The following HFM1 variants were observed in gnomAD, a reference collection of about 807,000 sequenced individuals.
HFM1 encodes helicase for meiosis 1, also known as probable ATP-dependent DNA helicase HFM1.
HFM1 carries 169 observed loss-of-function variants against 192.1 expected under a neutral mutation model. The ratio of observed to expected loss-of-function variants is 0.88; its 90% CI spans 0.78 to 1.00. The LOEUF (loss-of-function observed/expected upper bound fraction) is 1.00, where lower values mean the gene tolerates loss of function less well. HFM1 is among the 50% of genes least tolerant of loss of function. HFM1 has a pLI of 0.00. For missense variants in HFM1, 1,661 were observed against 1,668.0 expected (o/e 1.00, Z 0.07); for synonymous variants, 525 against 537.8 (o/e 0.98, Z 0.33).
chr1:91,390,231 A>T (rs1405256652), intron 4 of HFM1, among the ~76,000 whole-genome samples: 1 of 152,128 alleles, frequency 6.6e-6, no homozygotes, highest in Non-Finnish European at 1.5e-5. Flanking sequence ...CAGTCAGGAG[A>T]TGAAGACCAT....
chr1:91,303,954 T>C (rs1375417348), intron 30 of HFM1, among the ~76,000 whole-genome samples: 2 of 152,132 alleles, frequency 1.3e-5, no homozygotes, highest in Non-Finnish European at 2.9e-5. Flanking sequence ...CAAGCAATTC[T>C]TCCACCTCAC....
At chr1:91,268,744 G>T (rs191350817) in intron 34 of HFM1, among the ~76,000 whole-genome samples, 218 of 152,032 alleles carry the variant, frequency 1.4e-3, no homozygotes, top group Admixed American at 2.2e-3. Flanking sequence ...ATATCTAATT[G>T]ATTCTCATTG....
chr1:91,404,799 T>A lies in HFM1; in HGVS notation c.-29A>T, dbSNP rs1172962494. 4.4e-6 allele frequency: 2 copies of A among 451,856 alleles called. No homozygotes were observed. The highest frequency in any genetic ancestry group is 8.9e-6 in the Non-Finnish European group (2 of 225,168). 28.0% of individuals were successfully genotyped at this position (451,856 alleles called of 1,614,324 possible). A position where few individuals can be genotyped will look rare whatever the true frequency, so the allele number is the denominator to read the frequency against. On this transcript the variant is annotated splice_region_variant and 5_prime_UTR_variant, in exon 1 of 39. Coordinates refer to ENST00000370425, the MANE Select transcript of HFM1 (RefSeq NM_001017975.6). Reference sequence around the variant, plus strand: ...GGGCGTCCGGGCCCCTCTCCTCACCTCCCTGCGGACAGCTCCTAGGCCAGT... The same window carrying A: ...GGGCGTCCGGGCCCCTCTCCTCACCACCCTGCGGACAGCTCCTAGGCCAGT...
intron 20 of HFM1, among the ~76,000 whole-genome samples, chr1:91,327,647 A>G (rs532901918): frequency 5.9e-4 from 90 of 152,344 alleles, no homozygotes; most frequent in Non-Finnish European, 9.8e-4. Context: ...AGATATTTAC[A>G]AAACATTTCA....
chr1:91,385,265 A>C (rs912472944), intron 5 of HFM1, 31 bp from the exon 6 acceptor site: 2 of 1,286,916 alleles, frequency 1.6e-6, no homozygotes, highest in African/African-American at 3.0e-5. Flanking sequence ...ATTTATATAA[A>C]TATCAAAAAA....
At chr1:91,355,386 G>T (rs1442776131) in intron 13 of HFM1, among the ~76,000 whole-genome samples, 1 of 150,162 alleles carries the variant, frequency 6.7e-6, no homozygotes, top group African/African-American at 2.4e-5. Flanking sequence ...GAAGGCAAAT[G>T]AATTAAATTC....
At chr1:91,395,191 T>C (rs906525811) in intron 3 of HFM1, among the ~76,000 whole-genome samples, 1 of 152,122 alleles carries the variant, frequency 6.6e-6, no homozygotes, top group Admixed American at 6.6e-5. Flanking sequence ...ACCCTATATT[T>C]AATCTTCTGC....
At position 91,288,244 on chromosome 1, in the gene HFM1, T is replaced by C. The variant is rs1266355787; in HGVS notation, c.3392-11182A>G. Among the ~76,000 whole-genome samples the C allele has an allele frequency of 4.7e-5, 7 of 150,174 alleles. No homozygotes were observed. In the East Asian group the frequency reaches 9.8e-4, roughly 21 times the overall value. On this transcript the variant is annotated intron_variant, in intron 30 of 38. Coordinates refer to ENST00000370425, the MANE Select transcript of HFM1 (RefSeq NM_001017975.6). ...ACCAAAGTTGAAATGAAGGAAAAAA[T>C]GTTAAGGGCAGCCAGAGAGAAAGGT...
At chr1:91,287,512 T>C (rs569195179) in intron 30 of HFM1, among the ~76,000 whole-genome samples, 3 of 152,250 alleles carry the variant, frequency 2.0e-5, no homozygotes, top group Non-Finnish European at 4.4e-5. Flanking sequence ...AAAACCCATC[T>C]GTACATCACC....
chr1:91,354,169 G>C (rs1420737000), intron 13 of HFM1, among the ~76,000 whole-genome samples: 4 of 151,558 alleles, frequency 2.6e-5, no homozygotes, highest in African/African-American at 7.3e-5. Context: ...AGAAATCTTG[G>C]AGCTAAAGAA....
chr1:91,343,598 C>T, intron 19 of HFM1, 88 bp from the exon 20 acceptor site: 2 of 544,862 alleles, frequency 3.7e-6, no homozygotes. Context: ...TAAAGTTGTG[C>T]TATTACTGTG....
chr1:91,399,661 AAC>A (rs1170088095), intron 2 of HFM1, among the ~76,000 whole-genome samples: 1 of 152,060 alleles, frequency 6.6e-6, no homozygotes, highest in Admixed American at 6.5e-5. Context: ...CTCTTGCTCT[AAC>A]ACTCTGCCTT....
Position 91,375,728 on chromosome 1 carries a change from C to T in HFM1, c.1396-1G>A, listed in dbSNP as rs1235363663. Reference sequence around the variant, plus strand: ...CACCATCTGAAAGCCATTCTGCAATCTTTGAAACACAAAAATATGTGCATT... The same window carrying T: ...CACCATCTGAAAGCCATTCTGCAATTTTTGAAACACAAAAATATGTGCATT... On this transcript the variant is annotated splice_acceptor_variant, in intron 11 of 38. Transcript: ENST00000370425. LOFTEE classifies it high-confidence loss of function. The T allele has an allele frequency of 1.9e-6, 3 of 1,611,880 alleles. No homozygotes were observed. The highest frequency in any genetic ancestry group is 2.2e-5 in the East Asian group (1 of 44,830).
upstream of HFM1, chr1:91,404,939 G>A (rs1481186441): frequency 2.2e-6 from 1 of 450,054 alleles, no homozygotes; most frequent in African/African-American, 2.0e-5. Flanking sequence ...TTCTCCGAAA[G>A]TTTATAACTG....
chr1:91,401,639 T>G (rs1557541761), intron 1 of HFM1, among the ~76,000 whole-genome samples: 1 of 152,062 alleles, frequency 6.6e-6, no homozygotes, highest in Non-Finnish European at 1.5e-5. Context: ...TGACAATGAG[T>G]TGATCAAAGC....
At chr1:91,305,323 T>C (rs997859339) in intron 30 of HFM1, among the ~76,000 whole-genome samples, 1 of 152,232 alleles carries the variant, frequency 6.6e-6, no homozygotes, top group African/African-American at 2.4e-5. Context: ...TCAATTTATT[T>C]AGAACTTCTT....
chr1:91,280,247 A>G (rs942936618), intron 30 of HFM1, among the ~76,000 whole-genome samples: 17 of 152,164 alleles, frequency 1.1e-4, no homozygotes, highest in African/African-American at 3.9e-4. Context: ...GAAGGCAAAG[A>G]AGGAGGAGAA....
At chr1:91,315,335 T>C (rs1439744535) in intron 28 of HFM1, among the ~76,000 whole-genome samples, 4 of 152,200 alleles carry the variant, frequency 2.6e-5, no homozygotes, top group Non-Finnish European at 5.9e-5. Context: ...GTAAAAATTA[T>C]AGAATGGCAT....
intron 19 of HFM1, among the ~76,000 whole-genome samples, chr1:91,346,249 A>AT (rs1388934004): frequency 1.3e-5 from 2 of 152,224 alleles, no homozygotes; most frequent in Non-Finnish European, 2.9e-5. Flanking sequence ...GATTCTGCTA[A>AT]TTTAACAAGA....
Sources: allele counts gnomAD v4.1 joint callset (sites outside exome capture counted in the v4.1 genomes callset), GRCh38; gene constraint gnomAD v4.1.1; transcripts MANE v1.5; gene names NCBI Gene and HGNC (gene_info 2026-07-23, HGNC 2026-07-21).